RERE: variants seen among roughly 807,000 people sequenced by gnomAD.
RERE encodes arginine-glutamic acid dipeptide repeats.
RERE carries 40 observed loss-of-function variants against 146.1 expected under a neutral mutation model. The ratio of observed to expected loss-of-function variants is 0.27; its 90% confidence interval spans 0.21 to 0.36. RERE has a LOEUF of 0.36. Among genes scored for constraint, RERE ranks in the 10% least tolerant of loss-of-function variants. The pLI is 1.00. For missense variants in RERE, 1,933 were observed against 2,138.7 expected (o/e 0.90, Z 1.90); for synonymous variants, 1,003 against 866.0 (o/e 1.16, Z -2.78).
chr1:8,635,003 G>A (rs1026049044), intron 2 of RERE, among the ~76,000 whole-genome samples: 4 of 152,182 alleles, frequency 2.6e-5, no homozygotes, highest in Non-Finnish European at 4.4e-5. Context: ...TCAAAGTGCT[G>A]GGATTAGAGG....
intron 11 of RERE, among the ~76,000 whole-genome samples, chr1:8,439,044 G>A (rs1570239850): frequency 6.6e-6 from 1 of 152,088 alleles, no homozygotes; most frequent in African/African-American, 2.4e-5. Flanking sequence ...TCCCAGTCTG[G>A]GCTGGAGAAG....
chr1:8,374,249 A>T (rs1310957623), intron 12 of RERE, among the ~76,000 whole-genome samples: 1 of 152,202 alleles, frequency 6.6e-6, no homozygotes. Context: ...GAAAGGAGGG[A>T]AGTACGTGAA....
chr1:8,518,116 G>T (rs138931825), intron 7 of RERE, among the ~76,000 whole-genome samples: 70 of 152,346 alleles, frequency 4.6e-4, no homozygotes, highest in African/African-American at 1.6e-3. Flanking sequence ...GACGCCCAAA[G>T]ATCTCTATGT....
intron 11 of RERE, chr1:8,465,505 G>A (rs1032947121): frequency 2.3e-5 from 8 of 346,302 alleles, no homozygotes; most frequent in South Asian, 4.5e-5. Flanking sequence ...TGAGCAACAC[G>A]GCAAAACCCC....
intron 1 of RERE, among the ~76,000 whole-genome samples, chr1:8,671,088 G>A (rs1216184328): frequency 6.6e-6 from 1 of 152,238 alleles, no homozygotes; most frequent in Non-Finnish European, 1.5e-5. Context: ...GTATTAAGAT[G>A]TATGTGTTGA....
chr1:8,436,375 G>A (rs951276484), intron 11 of RERE, among the ~76,000 whole-genome samples: 1 of 152,112 alleles, frequency 6.6e-6, no homozygotes, highest in Non-Finnish European at 1.5e-5. Context: ...GAATCCAAAT[G>A]GGCATGGGAG....
At chr1:8,359,661 G>A (rs921233698) in intron 19 of RERE, 103 bp downstream of exon 19, 16 of 1,277,608 alleles carry the variant, frequency 1.3e-5, no homozygotes, top group Non-Finnish European at 1.7e-5. Context: ...GCTGCCAGGA[G>A]GCCGAGTCAG....
At chr1:8,458,661 G>A (rs1235511773) in intron 11 of RERE, among the ~76,000 whole-genome samples, 1 of 152,110 alleles carries the variant, frequency 6.6e-6, no homozygotes, top group East Asian at 1.9e-4. Flanking sequence ...CTAAAAGTAG[G>A]GCTGGGGATG....
chr1:8,622,117 C>A (rs1646923157), intron 3 of RERE, among the ~76,000 whole-genome samples: 4 of 152,162 alleles, frequency 2.6e-5, no homozygotes, highest in Non-Finnish European at 5.9e-5. Context: ...ATACTGACAA[C>A]AGAAGCTTTA....
At chr1:8,526,365 A>T (rs1372008453) in intron 7 of RERE, among the ~76,000 whole-genome samples, 1 of 151,978 alleles carries the variant, frequency 6.6e-6, no homozygotes, top group East Asian at 1.9e-4. Context: ...ATCAAAAGAC[A>T]GATATGAATG....
intron 1 of RERE, among the ~76,000 whole-genome samples, chr1:8,754,401 A>G (rs948886511): frequency 1.3e-5 from 2 of 152,208 alleles, no homozygotes; most frequent in African/African-American, 2.4e-5. Context: ...GGTTAATACA[A>G]AAGAATTTCA....
chr1:8,803,777 G>A (rs1641633840), intron 1 of RERE, among the ~76,000 whole-genome samples: 1 of 151,800 alleles, frequency 6.6e-6, no homozygotes, highest in African/African-American at 2.4e-5. Context: ...GTCCAGGCTG[G>A]TCTCAAACTC....
intron 1 of RERE, among the ~76,000 whole-genome samples, chr1:8,804,430 C>T (rs76274686): frequency 0.047 from 7,180 of 152,228 alleles, 547 homozygotes; most frequent in African/African-American, 0.16. Flanking sequence ...GTTAATACTA[C>T]ATTAGCCATT....
intron 12 of RERE, among the ~76,000 whole-genome samples, chr1:8,394,466 A>G (rs1642983446): frequency 6.6e-6 from 1 of 152,252 alleles, no homozygotes; most frequent in South Asian, 2.1e-4. Flanking sequence ...TAATATTATC[A>G]CCATTTTATA....
intron 12 of RERE, among the ~76,000 whole-genome samples, chr1:8,375,784 C>T (rs1429869206): frequency 1.3e-5 from 2 of 151,874 alleles, no homozygotes; most frequent in Admixed American, 6.6e-5. Flanking sequence ...TCAGCAGCCA[C>T]TGAAAATGCT....
chr1:8,504,410 T>A (rs538368056), intron 8 of RERE, among the ~76,000 whole-genome samples: 3 of 152,292 alleles, frequency 2.0e-5, no homozygotes, highest in African/African-American at 7.2e-5. Context: ...TAAGAACTGA[T>A]TAAAGTTGAT....
At chr1:8,556,941 G>T (rs1263934868) in intron 5 of RERE, among the ~76,000 whole-genome samples, 1 of 151,656 alleles carries the variant, frequency 6.6e-6, no homozygotes, top group Non-Finnish European at 1.5e-5. Flanking sequence ...TTACAAAATG[G>T]AGTGAACTTA....
intron 7 of RERE, among the ~76,000 whole-genome samples, chr1:8,538,511 G>C (rs932901968): frequency 1.5e-4 from 23 of 152,116 alleles, no homozygotes; most frequent in Non-Finnish European, 3.1e-4. Flanking sequence ...GGGAACTATA[G>C]CCCTAACCCC....
At chr1:8,637,054 G>A (rs986536664) in intron 2 of RERE, among the ~76,000 whole-genome samples, 2 of 151,890 alleles carry the variant, frequency 1.3e-5, no homozygotes, top group Non-Finnish European at 2.9e-5. Context: ...ACATATTTTG[G>A]GGAAAATATT....
Sources: gnomAD v4.1 joint callset for allele counts (sites outside exome capture counted in the v4.1 genomes callset) on GRCh38, gnomAD v4.1.1 for gene constraint, MANE v1.5 for transcripts, NCBI Gene and HGNC (gene_info 2026-07-23, HGNC 2026-07-21) for gene names.